The following EHBP1 variants were observed in gnomAD, a reference collection of about 807,000 sequenced individuals.
EHBP1 encodes EH domain binding protein 1.
EHBP1 carries 55 observed loss-of-function variants against 144.0 expected under a neutral mutation model. The observed-to-expected ratio is 0.38, with a 90% CI of 0.31 to 0.48. The LOEUF is 0.48. Among genes scored for constraint, EHBP1 ranks in the 20% least tolerant of loss-of-function variants. EHBP1 has a pLI of 0.98. For synonymous variants in EHBP1, 469 were observed against 472.7 expected (o/e 0.99, Z 0.10); for missense variants, 1,200 against 1,364.2 (o/e 0.88, Z 1.90).
intron 1 of EHBP1, among the ~76,000 whole-genome samples, chr2:62,674,406 T>G (rs1257878435): frequency 6.6e-6 from 1 of 152,210 alleles, no homozygotes; most frequent in Non-Finnish European, 1.5e-5. Flanking sequence ...TCCTCAATTT[T>G]GGGGAAGTTT....
chr2:62,717,919 A>G (rs1008960526), intron 2 of EHBP1, among the ~76,000 whole-genome samples: 1 of 152,176 alleles, frequency 6.6e-6, no homozygotes, highest in Non-Finnish European at 1.5e-5. Flanking sequence ...GTTTGCTGCT[A>G]TTGGAGACTG....
chr2:63,033,042 T>G (rs1398529274), intron 19 of EHBP1, among the ~76,000 whole-genome samples: 1 of 152,206 alleles, frequency 6.6e-6, no homozygotes. Flanking sequence ...GTAGTAAAAT[T>G]TATTTTCATA....
intron 1 of EHBP1, among the ~76,000 whole-genome samples, chr2:62,675,033 A>G (rs2033235261): frequency 6.6e-6 from 1 of 152,182 alleles, no homozygotes; most frequent in South Asian, 2.1e-4. Flanking sequence ...GTGAGATTTC[A>G]GTGGGATGGA....
intron 14 of EHBP1, among the ~76,000 whole-genome samples, chr2:62,962,791 C>T (rs2058062383): frequency 1.3e-5 from 2 of 152,080 alleles, no homozygotes; most frequent in Admixed American, 1.3e-4. Context: ...GCAGTAATTA[C>T]GTAGCATAAG....
chr2:62,875,650 A>G (rs1412954737), intron 10 of EHBP1, among the ~76,000 whole-genome samples: 1 of 152,222 alleles, frequency 6.6e-6, no homozygotes, highest in African/African-American at 2.4e-5. Context: ...CAAAATGGCT[A>G]AAATGACAGA....
intron 2 of EHBP1, among the ~76,000 whole-genome samples, chr2:62,707,849 C>T (rs1174516177): frequency 6.6e-6 from 1 of 152,134 alleles, no homozygotes; most frequent in Admixed American, 6.5e-5. Context: ...ACTCAGGCAA[C>T]TGTATTTTAT....
chr2:62,879,070 G>A (rs1030680436), intron 10 of EHBP1, among the ~76,000 whole-genome samples: 1 of 149,676 alleles, frequency 6.7e-6, no homozygotes, highest in African/African-American at 2.4e-5. Flanking sequence ...TGCAGAAAAA[G>A]CTATCAATAA....
chr2:62,707,021 G>A lies in EHBP1; in HGVS notation c.-171G>A, dbSNP rs994138176. 14 of 582,654 alleles carry A rather than the reference G, an allele frequency of 2.4e-5. No individual in the cohort carries two copies. The highest frequency in any genetic ancestry group is 1.7e-4 in the Admixed American group (6 of 35,510). The allele number at this position is 582,654 out of a possible 1,614,324, so 36.1% of individuals were successfully genotyped here. ...TTGACTGGGCCATTCATCTAAGATG[G>A]GATTTACCCTGTGAAACAGGGAGAA... On this transcript the variant is annotated 5_prime_UTR_variant, in exon 2 of 23. Transcript: ENST00000431489.
chr2:62,730,414 T>C (rs2037395754), intron 2 of EHBP1, among the ~76,000 whole-genome samples: 1 of 152,188 alleles, frequency 6.6e-6, no homozygotes, highest in South Asian at 2.1e-4. Context: ...AGGTAGACTT[T>C]TTAGATTGGC....
chr2:62,938,684 G>A (rs913750248), intron 10 of EHBP1, among the ~76,000 whole-genome samples: 1 of 152,052 alleles, frequency 6.6e-6, no homozygotes, highest in South Asian at 2.1e-4. Context: ...AAGTCAGTTA[G>A]AGCTTCTTTT....
chr2:62,688,698 T>C (rs2151742651), intron 1 of EHBP1, among the ~76,000 whole-genome samples: 1 of 152,302 alleles, frequency 6.6e-6, no homozygotes, highest in African/African-American at 2.4e-5. Context: ...TTTTTTTTTT[T>C]AGCTTCCACA....
chr2:62,916,827 A>G (rs2054654608), intron 10 of EHBP1, among the ~76,000 whole-genome samples: 2 of 149,956 alleles, frequency 1.3e-5, no homozygotes, highest in Admixed American at 1.3e-4. Flanking sequence ...CACAAATTTT[A>G]TTAAAATATA....
intron 10 of EHBP1, among the ~76,000 whole-genome samples, chr2:62,893,691 A>C (rs149697578): frequency 6.6e-6 from 1 of 152,322 alleles, no homozygotes; most frequent in East Asian, 1.9e-4. Context: ...CATCCAAGAA[A>C]TGTGGCTTTC....
chr2:62,714,305 TAC>T (rs930550793), intron 2 of EHBP1, among the ~76,000 whole-genome samples: 1 of 152,212 alleles, frequency 6.6e-6, no homozygotes, highest in African/African-American at 2.4e-5. Flanking sequence ...GTTTAGGGAA[TAC>T]AGAGTCTAGC....
intron 1 of EHBP1, among the ~76,000 whole-genome samples, chr2:62,682,761 A>G (rs1359684358): frequency 1.3e-5 from 2 of 152,170 alleles, no homozygotes; most frequent in Non-Finnish European, 2.9e-5. Flanking sequence ...AGGACAAAAC[A>G]TTGCTGGATT....
At chr2:62,825,819 C>T (rs1375972575) in intron 5 of EHBP1, among the ~76,000 whole-genome samples, 2 of 151,968 alleles carry the variant, frequency 1.3e-5, no homozygotes, top group African/African-American at 2.4e-5. Context: ...TCATTCCTTG[C>T]TTCTCCTTTT....
chr2:62,877,116 C>G (rs757282044), intron 10 of EHBP1, among the ~76,000 whole-genome samples: 1 of 152,184 alleles, frequency 6.6e-6, no homozygotes, highest in Non-Finnish European at 1.5e-5. Context: ...AGACCCATCT[C>G]ACATGCATTG....
chr2:62,874,123 T>G (rs6759605), intron 9 of EHBP1, among the ~76,000 whole-genome samples: 60 of 152,334 alleles, frequency 3.9e-4, no homozygotes, highest in African/African-American at 1.4e-3. Context: ...GAATGTGACC[T>G]TGTATTAAAT....
At chr2:62,709,454 A>T (rs2034921685) in intron 2 of EHBP1, among the ~76,000 whole-genome samples, 1 of 152,196 alleles carries the variant, frequency 6.6e-6, no homozygotes. Flanking sequence ...ATAGAACATT[A>T]TCAGGTGATT....
Sources: allele counts gnomAD v4.1 joint callset (sites outside exome capture counted in the v4.1 genomes callset), GRCh38; gene constraint gnomAD v4.1.1; transcripts MANE v1.5; gene names NCBI Gene and HGNC (gene_info 2026-07-23, HGNC 2026-07-21).